The following HNRNPUL1 variants were observed in gnomAD, a reference collection of about 807,000 sequenced individuals.
The protein encoded by HNRNPUL1 is heterogeneous nuclear ribonucleoprotein U-like protein 1.
In HNRNPUL1, 14 loss-of-function variants were observed where a neutral mutation model predicts 108.5. The ratio of observed to expected loss-of-function variants is 0.13; its 90% CI spans 0.09 to 0.20. HNRNPUL1 has a LOEUF of 0.20. HNRNPUL1 is among the 10% of genes least tolerant of loss of function. The pLI, the probability that HNRNPUL1 is intolerant of heterozygous loss-of-function variation, is 1.00. For synonymous variants in HNRNPUL1, 422 were observed against 445.2 expected, an observed-to-expected ratio of 0.95 and a Z score of 0.66; for missense variants, 804 against 1,168.3, an observed-to-expected ratio of 0.69 and a Z score of 4.55.
Position 41,307,372 on chromosome 19 carries a change from C to G in HNRNPUL1, c.*807C>G, listed in dbSNP as rs2037600175. On this transcript the variant is annotated 3_prime_UTR_variant, in exon 15 of 15. Transcript: ENST00000392006. ...AGAGAGTGACTATTGAACTTGAAAC[C>G]TTTTATTCCGGGCGTCTTGGTAGTT... The G allele has an allele frequency of 6.6e-6, 1 of 152,508 alleles. No individual in the cohort carries two copies. Among genetic ancestry groups the G allele is most frequent in the Non-Finnish European group, 1.5e-5 (1 of 68,024 alleles). 9.4% of individuals were successfully genotyped at this position (152,508 alleles called of 1,614,324 possible). A position where few individuals can be genotyped will look rare whatever the true frequency, so the allele number is the denominator to read the frequency against.
intron 5 of HNRNPUL1, chr19:41,276,590 A>G (rs935207979): frequency 7.8e-6 from 2 of 255,588 alleles, no homozygotes; most frequent in African/African-American, 4.5e-5. Flanking sequence ...TAGAACTGAG[A>G]AAAGAAGTTG....
upstream of HNRNPUL1, among the ~76,000 whole-genome samples, chr19:41,263,494 A>C (rs1013128870): frequency 6.6e-6 from 1 of 152,194 alleles, no homozygotes; most frequent in African/African-American, 2.4e-5. Context: ...GTACCCGACC[A>C]TAGAGCAAGG....
At chr19:41,304,390 G>GC in intron 13 of HNRNPUL1, 129 bp downstream of exon 13, 1 of 1,453,962 alleles carries the variant, frequency 6.9e-7, no homozygotes, top group Non-Finnish European at 9.1e-7. Context: ...CTAACCTCTA[G>GC]CCTGCCCTTC....
chr19:41,274,271 TCTGAG>T (rs1158587584), intron 4 of HNRNPUL1, among the ~76,000 whole-genome samples: 1 of 152,214 alleles, frequency 6.6e-6, no homozygotes, highest in Non-Finnish European at 1.5e-5. Context: ...ATTCTACTTC[TCTGAG>T]CTTCCCTTCA....
intron 13 of HNRNPUL1, 58 bp downstream of exon 13, chr19:41,304,319 G>A: frequency 6.5e-7 from 1 of 1,535,896 alleles, no homozygotes; most frequent in Non-Finnish European, 8.8e-7. Flanking sequence ...TTGAACCTGA[G>A]CAAGTTAGGT....
chr19:41,276,613 G>A lies in HNRNPUL1; in HGVS notation c.786+315G>A, dbSNP rs145084008. 548 of 218,020 alleles carry A rather than the reference G, an allele frequency of 2.5e-3. 3 individuals carry two copies. The highest frequency in any genetic ancestry group is 5.7e-3 in the African/African-American group (247 of 43,678). The allele number at this position is 218,020 out of a possible 1,614,324, so 13.5% of individuals were successfully genotyped here. A position where few individuals can be genotyped will look rare whatever the true frequency, so the allele number is the denominator to read the frequency against. On this transcript the variant is annotated intron_variant, in intron 5 of 14. Coordinates refer to ENST00000392006, the MANE Select transcript of HNRNPUL1 (RefSeq NM_007040.6). ...AGAAAAGAAGTTGTTTGGAAGAAAAGTGATCTAGAAAGAATAGACTCAGAT... is the reference window on the plus strand; with the variant it reads ...AGAAAAGAAGTTGTTTGGAAGAAAAATGATCTAGAAAGAATAGACTCAGAT...
chr19:41,265,467 G>A, intron 1 of HNRNPUL1: 3 of 1,241,472 alleles, frequency 2.4e-6, no homozygotes, highest in South Asian at 1.6e-5. Flanking sequence ...GAACTAGGGG[G>A]CACCCCCATC....
chr19:41,264,572 A>C lies in HNRNPUL1; in HGVS notation c.69A>C (p.Arg23=), dbSNP rs552267140. The change falls in exon 1 of 15, where the codon CGA becomes CGC. Residue 23 remains arginine (R), a synonymous_variant. Coordinates refer to ENST00000392006, the MANE Select transcript of HNRNPUL1 (RefSeq NM_007040.6). ...TGCAGCGCCGCGGCCTGGACACTCG[A>C]GGCCTCAAGGCCGAGCTTGCTGAGC... ...EELQRRGLDT[R]GLKAELAERL... The C allele has an allele frequency of 2.1e-4, 326 of 1,555,728 alleles. 3 individuals are homozygous for C. In the South Asian group the frequency reaches 3.5e-3, roughly 17 times the overall value.
At chr19:41,303,901 A>C in intron 12 of HNRNPUL1, 71 bp from the exon 13 acceptor site, 1 of 1,543,196 alleles carries the variant, frequency 6.5e-7, no homozygotes. Flanking sequence ...AGTAGTCACC[A>C]AGACAACCCA....
chr19:41,300,752 C>G (rs1378446785), intron 10 of HNRNPUL1, among the ~76,000 whole-genome samples: 1 of 152,188 alleles, frequency 6.6e-6, no homozygotes, highest in Non-Finnish European at 1.5e-5. Context: ...CCAGGACACA[C>G]CTGCCATCAC....
intron 13 of HNRNPUL1, 153 bp from the exon 14 acceptor site, chr19:41,305,523 C>T: frequency 1.1e-6 from 1 of 927,460 alleles, no homozygotes; most frequent in Non-Finnish European, 1.7e-6. Flanking sequence ...AGCTGGCTCT[C>T]CTCCTTCTCA....
At chr19:41,284,542 C>T (rs1173218304) in intron 7 of HNRNPUL1, among the ~76,000 whole-genome samples, 2 of 151,960 alleles carry the variant, frequency 1.3e-5, no homozygotes, top group Non-Finnish European at 2.9e-5. Flanking sequence ...TGGTGATGCA[C>T]GCCTGTAGTC....
rs148483967 is a variant in HNRNPUL1 at position 41,304,135 on chromosome 19, G to T, written c.2136G>T (p.Pro712=). ...PPPQPPPQQP[P]PPPSYSPARN... Reference sequence around the variant, plus strand: ...CACAGCCACCACCCCAGCAGCCACCGCCACCACCCAGCTACAGCCCTGCTC... The same window carrying T: ...CACAGCCACCACCCCAGCAGCCACCTCCACCACCCAGCTACAGCCCTGCTC... The change falls in exon 13 of 15, where the codon CCG becomes CCT. Residue 712 remains proline, a synonymous_variant. Transcript: ENST00000392006. 2 of 1,613,956 alleles carry T rather than the reference G, an allele frequency of 1.2e-6. No homozygotes were observed. The highest frequency in any genetic ancestry group is 1.7e-4 in the Middle Eastern group (1 of 6,060).
intron 8 of HNRNPUL1, among the ~76,000 whole-genome samples, chr19:41,293,643 G>T (rs2036719006): frequency 6.6e-6 from 1 of 152,140 alleles, no homozygotes; most frequent in African/African-American, 2.4e-5. Flanking sequence ...ACTCCATGGG[G>T]CCAGTCCCAG....
intron 7 of HNRNPUL1, among the ~76,000 whole-genome samples, chr19:41,282,893 A>G (rs988916246): frequency 1.3e-5 from 2 of 149,744 alleles, no homozygotes; most frequent in Non-Finnish European, 3.0e-5. Context: ...ACGGGGTTTC[A>G]CCGTTTTAGC....
At chr19:41,301,301 C>T (rs914747120) in intron 10 of HNRNPUL1, among the ~76,000 whole-genome samples, 2 of 152,146 alleles carry the variant, frequency 1.3e-5, no homozygotes, top group African/African-American at 4.8e-5. Flanking sequence ...AGCAAAGTCC[C>T]AACCATTAGG....
chr19:41,302,974 C>G (rs1397126379), intron 12 of HNRNPUL1, 25 bp downstream of exon 12: 2 of 1,510,168 alleles, frequency 1.3e-6, no homozygotes, highest in Non-Finnish European at 1.8e-6. Flanking sequence ...ACACAGCACT[C>G]TCCACTTTCT....
intron 10 of HNRNPUL1, among the ~76,000 whole-genome samples, chr19:41,295,578 G>GT (rs2036845597): frequency 6.6e-6 from 1 of 152,188 alleles, no homozygotes; most frequent in Non-Finnish European, 1.5e-5. Flanking sequence ...TATGTTTGGG[G>GT]ATCTGTGAAT....
At chr19:41,287,654 G>A (rs750970185) in intron 7 of HNRNPUL1, among the ~76,000 whole-genome samples, 6 of 152,032 alleles carry the variant, frequency 3.9e-5, no homozygotes, top group Non-Finnish European at 8.8e-5. Flanking sequence ...CCACCTCCCA[G>A]GTTCAAACGA....
Sources: gnomAD v4.1 joint callset for allele counts (sites outside exome capture counted in the v4.1 genomes callset) on GRCh38, gnomAD v4.1.1 for gene constraint, MANE v1.5 for transcripts, NCBI Gene and HGNC (gene_info 2026-07-23, HGNC 2026-07-21) for gene names.